The following GLI2 variants were observed in gnomAD, a reference collection of about 807,000 sequenced individuals.
GLI2 encodes the protein transcription activator GLI2.
A neutral mutation model predicts 78.9 loss-of-function variants in GLI2; 22 were observed. The ratio of observed to expected loss-of-function variants is 0.28; its 90% CI spans 0.20 to 0.40. The LOEUF (loss-of-function observed/expected upper bound fraction) is 0.40. Ranked by LOEUF, GLI2 falls within the 10% of genes least tolerant of loss-of-function variation. The pLI is 1.00. For missense variants in GLI2, 2,097 were observed against 2,213.2 expected (o/e 0.95, Z 1.05); for synonymous variants, 974 against 963.7 (o/e 1.01, Z -0.20).
chr2:120,969,368 T>G (rs527831295), intron 6 of GLI2, among the ~76,000 whole-genome samples: 102 of 152,240 alleles, frequency 6.7e-4, no homozygotes, highest in African/African-American at 2.4e-3. Context: ...CCTTCTCCCT[T>G]CTGTGCGGCT....
At chr2:120,788,305 C>A (rs112718906) in intron 1 of GLI2, among the ~76,000 whole-genome samples, 103 of 152,300 alleles carry the variant, frequency 6.8e-4, no homozygotes, top group African/African-American at 2.3e-3. Flanking sequence ...TGAGCTCTGT[C>A]TAGGACTCTG....
At chr2:120,880,028 G>T (rs992253250) in intron 2 of GLI2, among the ~76,000 whole-genome samples, 15 of 152,178 alleles carry the variant, frequency 9.9e-5, no homozygotes, top group African/African-American at 3.6e-4. Context: ...AATCGGTGTG[G>T]CCAGAGGTGC....
chr2:120,869,931 G>A (rs1040184762), intron 2 of GLI2, among the ~76,000 whole-genome samples: 2 of 152,138 alleles, frequency 1.3e-5, no homozygotes, highest in African/African-American at 4.8e-5. Context: ...GCAGGGTGCT[G>A]CAGAGCTCTC....
chr2:120,988,549 C>T lies in GLI2; in HGVS notation c.2584C>T (p.Leu862Phe), dbSNP rs1337169378. 6.7e-7 allele frequency: 1 copy of T among 1,502,764 alleles called. No individual in the cohort carries two copies. The highest frequency in any genetic ancestry group is 1.2e-5 in the South Asian group (1 of 80,948). 93.1% of individuals were successfully genotyped at this position (1,502,764 alleles called of 1,614,324 possible). ...CCAGTGCAGCGGCGGCTCCGGGCTGCTCAACCTCACGCCGGCGCAGCAGTA... is the reference window on the plus strand; with the variant it reads ...CCAGTGCAGCGGCGGCTCCGGGCTGTTCAACCTCACGCCGGCGCAGCAGTA... ...ASQCSGGSGLLNLTPAQQYSL... is the reference protein window; with the variant it reads ...ASQCSGGSGLFNLTPAQQYSL... Residue 862 changes from leucine to phenylalanine, a missense_variant, in exon 14 of 14, where the codon CTC becomes TTC. Leu to Phe is a conservative substitution (Grantham distance 22). This residue lies in a region of GLI2 where 1,290 missense variants were observed against 1,261.7 expected (regional missense o/e 1.02). Coordinates refer to ENST00000361492, the MANE Select transcript of GLI2 (RefSeq NM_001374353.1).
intron 1 of GLI2, among the ~76,000 whole-genome samples, chr2:120,790,461 A>T (rs1363106239): frequency 6.6e-6 from 1 of 152,138 alleles, no homozygotes; most frequent in African/African-American, 2.4e-5. Flanking sequence ...TGAGTTTGCC[A>T]TCTCCCCAAA....
chr2:120,841,888 T>TGTGTGTGTGTGTGTGTGTGTGA (rs768879101), intron 2 of GLI2, among the ~76,000 whole-genome samples: 58 of 150,902 alleles, frequency 3.8e-4, no homozygotes, highest in Non-Finnish European at 7.2e-4. Context: ...TGTGTGTGTG[T>TGTGTGTGTGTGTGTGTGTGTGA]GATGCTGGGC....
At chr2:120,765,065 A>G (rs552633164) in intron 1 of GLI2, among the ~76,000 whole-genome samples, 54 of 152,238 alleles carry the variant, frequency 3.5e-4, no homozygotes, top group Middle Eastern at 6.8e-3. Flanking sequence ...TCCAGGCACC[A>G]TGACTCCTGC....
chr2:120,777,888 G>T (rs963188760), intron 1 of GLI2, among the ~76,000 whole-genome samples: 23 of 151,966 alleles, frequency 1.5e-4, no homozygotes, highest in African/African-American at 5.6e-4. Flanking sequence ...TTGCACCCCA[G>T]GCTGGGGTGC....
At chr2:120,865,685 G>A (rs1249113896) in intron 2 of GLI2, among the ~76,000 whole-genome samples, 1 of 152,188 alleles carries the variant, frequency 6.6e-6, no homozygotes. Flanking sequence ...CTGAAGCAGC[G>A]TCTGGTTTGA....
chr2:120,990,387 A>G lies in GLI2; in HGVS notation c.4422A>G (p.Pro1474=), dbSNP rs1300864841. The G allele has an allele frequency of 6.2e-7, 1 of 1,613,898 alleles. No individual in the cohort carries two copies. The highest frequency in any genetic ancestry group is 1.3e-5 in the African/African-American group (1 of 74,910). Residue 1474 remains proline, a synonymous_variant, in exon 14 of 14, where the codon CCA becomes CCG. Transcript: ENST00000361492. ...DSIQPQPLPS[P]GVNQVSSTVD... ...TCCAGCCCCAGCCCTTGCCCTCACC[A>G]GGGGTCAACCAGGTGTCCAGCACTG...
chr2:120,847,252 G>T (rs893215707), intron 2 of GLI2, among the ~76,000 whole-genome samples: 6 of 152,150 alleles, frequency 3.9e-5, no homozygotes, highest in African/African-American at 1.4e-4. Flanking sequence ...CCTGGGATGG[G>T]CCCAAAACGT....
chr2:120,858,966 T>C (rs760117728), intron 2 of GLI2, among the ~76,000 whole-genome samples: 3 of 152,230 alleles, frequency 2.0e-5, no homozygotes, highest in South Asian at 2.1e-4. Flanking sequence ...ACCGGAGCGT[T>C]CTTGCCCTGG....
intron 2 of GLI2, among the ~76,000 whole-genome samples, chr2:120,896,682 C>A (rs1558865682): frequency 7.2e-6 from 1 of 139,104 alleles, no homozygotes; most frequent in Non-Finnish European, 1.5e-5. Context: ...CCCCCACACA[C>A]TCACACACAC....
chr2:120,920,817 G>A (rs953106449), intron 2 of GLI2, among the ~76,000 whole-genome samples: 2 of 151,524 alleles, frequency 1.3e-5, no homozygotes, highest in African/African-American at 2.4e-5. Flanking sequence ...AATGGCATAC[G>A]GGGTGTGTAT....
At chr2:120,752,269 A>ATTT in intron 1 of GLI2, among the ~76,000 whole-genome samples, 1 of 129,946 alleles carries the variant, frequency 7.7e-6, no homozygotes. Context: ...CCTATCTTTA[A>ATTT]TTTTTTTTTT....
At chr2:120,945,957 T>TCTCACACACACACACACACACACA (rs1553470434) in intron 3 of GLI2, among the ~76,000 whole-genome samples, 2 of 134,156 alleles carry the variant, frequency 1.5e-5, no homozygotes, top group African/African-American at 2.7e-5. Context: ...CATAACCTTC[T>TCTCACACACACACACACACACACA]CACACACACA....
chr2:120,960,845 C>T (rs1558916800), intron 5 of GLI2, among the ~76,000 whole-genome samples: 1 of 152,234 alleles, frequency 6.6e-6, no homozygotes, highest in Non-Finnish European at 1.5e-5. Flanking sequence ...AAAACCCACC[C>T]TCCCTGGTCT....
At chr2:120,927,327 T>G in intron 2 of GLI2, 34 bp from the exon 3 acceptor site, 1 of 1,481,526 alleles carries the variant, frequency 6.7e-7, no homozygotes, top group Non-Finnish European at 9.4e-7. Context: ...GGGGGAAAGT[T>G]TTTGAAGTCT....
intron 2 of GLI2, among the ~76,000 whole-genome samples, chr2:120,919,264 A>G (rs1246795102): frequency 6.6e-6 from 1 of 152,262 alleles, no homozygotes; most frequent in Non-Finnish European, 1.5e-5. Flanking sequence ...TTAGTTTTTA[A>G]CTGGAGAATC....
Sources: gnomAD v4.1 joint callset for allele counts (sites outside exome capture counted in the v4.1 genomes callset) on GRCh38, gnomAD v4.1.1 for gene constraint, gnomAD v4.1.1 regional missense constraint, MANE v1.5 for transcripts, NCBI Gene and HGNC (gene_info 2026-07-23, HGNC 2026-07-21) for gene names.